Variants in NAPA observed in about 807,000 individuals in gnomAD.
NAPA encodes the protein NSF attachment protein alpha, also known as alpha-soluble NSF attachment protein.
Under a neutral mutation model 48.0 loss-of-function variants are expected in NAPA, and 18 were observed. The ratio of observed to expected loss-of-function variants is 0.38; its 90% CI spans 0.26 to 0.56. NAPA has a LOEUF of 0.56. NAPA is among the 20% of genes least tolerant of loss of function. NAPA has a pLI of 0.77. For missense variants in NAPA, 315 were observed against 385.0 expected (o/e 0.82, Z 1.52); for synonymous variants, 152 against 149.9 (o/e 1.01, Z -0.10).
intron 1 of NAPA, among the ~76,000 whole-genome samples, chr19:47,513,345 C>T (rs1049759063): frequency 3.3e-5 from 5 of 152,234 alleles, no homozygotes; most frequent in African/African-American, 1.2e-4. Context: ...CGCTCCGAAC[C>T]TGTTTCCTTC....
intron 3 of NAPA, chr19:47,496,593 C>A: frequency 4.2e-6 from 1 of 239,498 alleles, no homozygotes; most frequent in South Asian, 4.6e-5. Context: ...CTCTGAGCTT[C>A]AGCCTGGGCA....
chr19:47,504,453 T>A (rs1222225867), intron 1 of NAPA, among the ~76,000 whole-genome samples: 1 of 148,598 alleles, frequency 6.7e-6, no homozygotes, highest in Non-Finnish European at 1.5e-5. Context: ...GAAACATACA[T>A]GTTTATATAA....
intron 1 of NAPA, 37 bp from the exon 2 acceptor site, chr19:47,503,539 G>A (rs1027688816): frequency 6.9e-6 from 11 of 1,592,316 alleles, no homozygotes; most frequent in Admixed American, 3.3e-5. Context: ...AGACAATCTA[G>A]TCGGCTATCC....
intron 3 of NAPA, among the ~76,000 whole-genome samples, 190 bp downstream of exon 3, chr19:47,500,443 C>G (rs777565957): frequency 6.6e-6 from 1 of 152,152 alleles, no homozygotes; most frequent in Non-Finnish European, 1.5e-5. Flanking sequence ...GAGCAGGGCG[C>G]GAATGCCAAC....
intron 1 of NAPA, among the ~76,000 whole-genome samples, chr19:47,508,877 A>G (rs999798518): frequency 6.6e-6 from 1 of 151,796 alleles, no homozygotes; most frequent in Non-Finnish European, 1.5e-5. Flanking sequence ...CTTGATCTCG[A>G]GTTTGAGACC....
At chr19:47,495,619 G>C in intron 3 of NAPA, 23 bp from the exon 4 acceptor site, 1 of 1,613,100 alleles carries the variant, frequency 6.2e-7, no homozygotes, top group Non-Finnish European at 8.5e-7. Context: ...GGAGGTGGGA[G>C]GAGACATGAG....
intron 3 of NAPA, among the ~76,000 whole-genome samples, chr19:47,500,027 C>T (rs1413281176): frequency 6.6e-6 from 1 of 152,224 alleles, no homozygotes; most frequent in Non-Finnish European, 1.5e-5. Context: ...GGCTGGACCT[C>T]CTCTTCGGGA....
At chr19:47,490,002 A>T (rs1465644737) in intron 9 of NAPA, among the ~76,000 whole-genome samples, 1 of 152,040 alleles carries the variant, frequency 6.6e-6, no homozygotes, top group African/African-American at 2.4e-5. Context: ...AACATCACAC[A>T]GAATGTGTGT....
At chr19:47,502,403 G>T (rs1258605674) in intron 2 of NAPA, among the ~76,000 whole-genome samples, 1 of 152,026 alleles carries the variant, frequency 6.6e-6, no homozygotes, top group Non-Finnish European at 1.5e-5. Context: ...TTCTCTAGAG[G>T]AATTTTCTAA....
intron 8 of NAPA, among the ~76,000 whole-genome samples, chr19:47,491,747 TG>T (rs1320997004): frequency 6.6e-6 from 1 of 152,056 alleles, no homozygotes; most frequent in Non-Finnish European, 1.5e-5. Flanking sequence ...TTTAATGGGG[TG>T]CAGTGAGGAT....
downstream of NAPA, among the ~76,000 whole-genome samples, chr19:47,486,132 A>G (rs1968069880): frequency 6.6e-6 from 1 of 152,164 alleles, no homozygotes; most frequent in Non-Finnish European, 1.5e-5. Flanking sequence ...AGGCAGGCGG[A>G]TCAACTGAGG....
At chr19:47,486,643 C>T (rs961807735), downstream of NAPA, among the ~76,000 whole-genome samples, 7 of 152,178 alleles carry the variant, frequency 4.6e-5, no homozygotes, top group African/African-American at 1.4e-4. Context: ...ATAGCCAGGG[C>T]GGACCATCAC....
intron 4 of NAPA, chr19:47,495,284 C>T (rs1968390934): frequency 1.9e-6 from 1 of 539,778 alleles, no homozygotes; most frequent in African/African-American, 1.9e-5. Context: ...ATGAGCCACC[C>T]TGCCCAGCTC....
intron 3 of NAPA, chr19:47,496,202 C>A: frequency 6.5e-6 from 1 of 153,360 alleles, no homozygotes; most frequent in South Asian, 2.0e-4. Flanking sequence ...CTCCACTGCC[C>A]CCTCTTCCTC....
At chr19:47,509,861 G>A (rs955743910) in intron 1 of NAPA, among the ~76,000 whole-genome samples, 5 of 152,178 alleles carry the variant, frequency 3.3e-5, no homozygotes, top group African/African-American at 1.2e-4. Flanking sequence ...GCACCCCAAC[G>A]GGATTACATT....
chr19:47,485,621 A>G (rs1442865997), downstream of NAPA, among the ~76,000 whole-genome samples: 4 of 152,208 alleles, frequency 2.6e-5, no homozygotes, highest in African/African-American at 9.7e-5. Flanking sequence ...GGCCTGACAC[A>G]AAGCAGGCAT....
chr19:47,497,038 A>T, intron 3 of NAPA: 2 of 296,144 alleles, frequency 6.8e-6, no homozygotes, highest in South Asian at 5.4e-5. Flanking sequence ...ACACAACCTA[A>T]ATCCGGCAGT....
At chr19:47,490,944 C>T (rs543671007) in intron 8 of NAPA, 88 bp from the exon 9 acceptor site, 20 of 1,198,596 alleles carry the variant, frequency 1.7e-5, no homozygotes, top group South Asian at 1.5e-4. Context: ...TTGGGGATGT[C>T]GGGTGATATT....
At chr19:47,508,023 C>T (rs1027270323) in intron 1 of NAPA, among the ~76,000 whole-genome samples, 1 of 152,142 alleles carries the variant, frequency 6.6e-6, no homozygotes, top group African/African-American at 2.4e-5. Context: ...CCTGCCCCCA[C>T]CCCTCCTCTA....
Sources: allele counts gnomAD v4.1 joint callset (sites outside exome capture counted in the v4.1 genomes callset), GRCh38; gene constraint gnomAD v4.1.1; transcripts MANE v1.5; gene names NCBI Gene and HGNC (gene_info 2026-07-23, HGNC 2026-07-21).